The following TANC2 variants were observed in gnomAD, a reference collection of about 807,000 sequenced individuals.
TANC2 encodes tetratricopeptide repeat, ankyrin repeat and coiled-coil containing 2, also known as protein TANC2.
TANC2 carries 26 observed loss-of-function variants against 210.5 expected under a neutral mutation model. The observed-to-expected ratio is 0.12, with a 90% CI of 0.09 to 0.17. The LOEUF is 0.17. Among genes scored for constraint, TANC2 ranks in the 10% least tolerant of loss-of-function variants. The pLI is 1.00. For synonymous variants in TANC2, 931 were observed against 967.1 expected, an observed-to-expected ratio of 0.96 and a Z score of 0.69; for missense variants, 2,129 against 2,608.9, an observed-to-expected ratio of 0.82 and a Z score of 4.01.
intron 7 of TANC2, among the ~76,000 whole-genome samples, chr17:63,232,801 TG>T (rs1437669523): frequency 5.9e-5 from 9 of 152,204 alleles, no homozygotes; most frequent in Admixed American, 1.3e-4. Context: ...TGCACTGCAC[TG>T]GGGGGAATCC....
rs561794989 is a variant in TANC2 at position 63,239,475 on chromosome 17, C to G, written c.1033+1398C>G. ...TGATAGTGTAATGCTTCTTGCCATT[C>G]CCAGTTCCCTTTCCTACGTGTTCTT... On this transcript the variant is annotated intron_variant, in intron 8 of 27. Transcript: ENST00000689528. Among the ~76,000 whole-genome samples the G allele has an allele frequency of 3.9e-5, 6 of 152,280 alleles. No individual in the cohort carries two copies. In the South Asian group the frequency reaches 1.0e-3, roughly 26 times the overall value.
chr17:63,171,130 G>C (rs1224539513), intron 5 of TANC2, among the ~76,000 whole-genome samples: 1 of 138,340 alleles, frequency 7.2e-6, no homozygotes, highest in African/African-American at 2.7e-5. Context: ...CCCTCGCCCA[G>C]GCTGGAGTGC....
chr17:63,241,457 C>T (rs1050673231), intron 8 of TANC2, among the ~76,000 whole-genome samples: 1 of 152,032 alleles, frequency 6.6e-6, no homozygotes, highest in Non-Finnish European at 1.5e-5. Flanking sequence ...AAACCAGGGC[C>T]CATGGGCCAA....
chr17:63,062,808 A>G (rs1418951716), intron 2 of TANC2, among the ~76,000 whole-genome samples: 2 of 152,196 alleles, frequency 1.3e-5, no homozygotes, highest in Non-Finnish European at 2.9e-5. Context: ...TATACTCTTC[A>G]TACAGAGCAC....
intron 9 of TANC2, among the ~76,000 whole-genome samples, chr17:63,304,248 T>C (rs1236073201): frequency 1.3e-5 from 2 of 152,202 alleles, no homozygotes; most frequent in African/African-American, 4.8e-5. Context: ...TTGAGGCTTC[T>C]GACCCTTAGA....
rs1250246961 is a variant in TANC2, at chr17:63,304,077, C to T, written c.1160-10311C>T. Among the ~76,000 whole-genome samples, 8 of 152,150 alleles carry T rather than the reference C, an allele frequency of 5.3e-5. No individual in the cohort carries two copies. The East Asian group carries it at 1.6e-3, about 30-fold the overall frequency. On this transcript the variant is annotated intron_variant, in intron 9 of 27. Transcript: ENST00000689528. Reference sequence around the variant, plus strand: ...AGTTTATTACCCACCTTCTGAAGCCCACTTCTGTCTATTCGTCCATCTCAT... The same window carrying T: ...AGTTTATTACCCACCTTCTGAAGCCTACTTCTGTCTATTCGTCCATCTCAT...
chr17:63,009,837 GA>G (rs889305091), intron 2 of TANC2, among the ~76,000 whole-genome samples: 1 of 152,054 alleles, frequency 6.6e-6, no homozygotes, highest in African/African-American at 2.4e-5. Flanking sequence ...ACCTTGTGAA[GA>G]AAAATATTTA....
intron 4 of TANC2, among the ~76,000 whole-genome samples, chr17:63,140,176 ACTCT>A (rs958029728): frequency 6.6e-6 from 1 of 152,266 alleles, no homozygotes; most frequent in East Asian, 1.9e-4. Flanking sequence ...CTGAAGCTCA[ACTCT>A]CTCTGTTAAA....
rs571892941 is a variant in TANC2, at chr17:63,238,961, C to T, written c.1033+884C>T. On this transcript the variant is annotated intron_variant, in intron 8 of 27. Coordinates refer to ENST00000689528, the Ensembl canonical transcript of TANC2. ...ATGATCCAATCACCTCCCACCAGGT[C>T]CCTGACACTTGGGGATTACAATTCG... Among the ~76,000 whole-genome samples, 10 of 152,134 alleles carry T rather than the reference C, an allele frequency of 6.6e-5. No individual in the cohort carries two copies. The South Asian group carries it at 1.9e-3, about 28-fold the overall frequency.
At chr17:63,275,240 G>A (rs562214406) in intron 9 of TANC2, among the ~76,000 whole-genome samples, 3 of 152,196 alleles carry the variant, frequency 2.0e-5, no homozygotes, top group Admixed American at 2.0e-4. Context: ...ATATATGGTG[G>A]TTTCCTTAGA....
chr17:63,384,824 A>G (rs2047726557), intron 15 of TANC2, among the ~76,000 whole-genome samples: 1 of 152,176 alleles, frequency 6.6e-6, no homozygotes, highest in Non-Finnish European at 1.5e-5. Context: ...AAGGATGGAA[A>G]ATGGTTTGGA....
chr17:63,072,328 A>G (rs1197810058), intron 2 of TANC2, among the ~76,000 whole-genome samples: 1 of 152,144 alleles, frequency 6.6e-6, no homozygotes, highest in African/African-American at 2.4e-5. Context: ...CTTTAAAAGG[A>G]CAAAATTAAA....
intron 2 of TANC2, among the ~76,000 whole-genome samples, chr17:63,048,366 C>A (rs1390083253): frequency 6.6e-6 from 1 of 152,182 alleles, no homozygotes; most frequent in Non-Finnish European, 1.5e-5. Flanking sequence ...TAGACAATTT[C>A]ACTTCTGACT....
chr17:63,232,832 G>T (rs746687534), intron 7 of TANC2, among the ~76,000 whole-genome samples: 1 of 152,254 alleles, frequency 6.6e-6, no homozygotes, highest in African/African-American at 2.4e-5. Context: ...GGACTACCCG[G>T]ATTCCTCAGA....
At chr17:63,099,473 A>C in intron 4 of TANC2, 116 bp downstream of exon 4, 1 of 639,020 alleles carries the variant, frequency 1.6e-6, no homozygotes, top group Non-Finnish European at 2.3e-6. Flanking sequence ...GGCCTTCCTA[A>C]TGTCACAGAC....
At chr17:63,053,787 A>C (rs1356209529) in intron 2 of TANC2, among the ~76,000 whole-genome samples, 2 of 152,182 alleles carry the variant, frequency 1.3e-5, no homozygotes, top group African/African-American at 2.4e-5. Context: ...TTGCAAGTCC[A>C]TTTTTTAGGC....
At chr17:63,080,332 T>C (rs2036727839) in intron 3 of TANC2, among the ~76,000 whole-genome samples, 1 of 152,234 alleles carries the variant, frequency 6.6e-6, no homozygotes, top group Non-Finnish European at 1.5e-5. Context: ...GTAAGCAACT[T>C]ACTTGGTTCT....
intron 14 of TANC2, among the ~76,000 whole-genome samples, chr17:63,358,149 G>C (rs1252508796): frequency 6.6e-6 from 1 of 152,216 alleles, no homozygotes. Context: ...AGTAATCTGA[G>C]AATGGTGCTG....
rs948000253 is a variant in TANC2 at position 62,966,366 on chromosome 17, C to T, written c.-407C>T. ...GCTGCGAGCGCTCCGAGCGCCCGGC[C>T]TAGGGCCGCTGGCGCTGCCCTCCCG... On this transcript the variant is annotated 5_prime_UTR_variant, in exon 1 of 28. Coordinates refer to ENST00000689528, the Ensembl canonical transcript of TANC2. This position sits in a 1 kb window ranked among gnomAD's most constrained non-coding sequence, Gnocchi z 5.1. Among the ~76,000 whole-genome samples, 1 of 147,294 alleles carries T rather than the reference C, an allele frequency of 6.8e-6. No individual in the cohort carries two copies. Among genetic ancestry groups the T allele is most frequent in the African/African-American group, 2.4e-5 (1 of 40,966 alleles).
Sources: allele counts gnomAD v4.1 joint callset (sites outside exome capture counted in the v4.1 genomes callset), GRCh38; gene constraint gnomAD v4.1.1; non-coding constraint Gnocchi (gnomAD v3.1); transcripts MANE v1.5; gene names NCBI Gene and HGNC (gene_info 2026-07-23, HGNC 2026-07-21).